GAB1: variants seen among roughly 807,000 people sequenced by gnomAD.
GAB1 encodes GRB2-associated-binding protein 1.
Under a neutral mutation model 66.5 loss-of-function variants are expected in GAB1, and 19 were observed. The ratio of observed to expected loss-of-function variants is 0.29; its 90% CI spans 0.20 to 0.42. The LOEUF is 0.42. Among genes scored for constraint, GAB1 ranks in the 10% least tolerant of loss-of-function variants. The pLI is 1.00. For synonymous variants in GAB1, 294 were observed against 301.4 expected (o/e 0.98, Z 0.25); for missense variants, 732 against 858.5 (o/e 0.85, Z 1.84).
intron 1 of GAB1, among the ~76,000 whole-genome samples, chr4:143,371,391 G>A (rs551014938): frequency 1.3e-5 from 2 of 152,130 alleles, no homozygotes; most frequent in African/African-American, 4.8e-5. Context: ...CTTTTTGATG[G>A]GGTTGTTTGA....
chr4:143,454,292 T>C (rs1268010025), intron 6 of GAB1, among the ~76,000 whole-genome samples: 2 of 152,228 alleles, frequency 1.3e-5, no homozygotes, highest in Non-Finnish European at 2.9e-5. Flanking sequence ...TGAATAGAAG[T>C]AGCTGGATTG....
Position 143,387,179 on chromosome 4 carries a change from T to G in GAB1, c.73-28298T>G, listed in dbSNP as rs147656385. On this transcript the variant is annotated intron_variant, in intron 1 of 9. Coordinates refer to ENST00000262994, the MANE Select transcript of GAB1 (RefSeq NM_002039.4). ...AGAGTTTCGCTCTTTTTGCCCAGAC[T>G]GGAATGCAATGATGCTATCTTGGCT... 3.7e-3 allele frequency among the ~76,000 whole-genome samples: 566 copies of G among 152,340 alleles called. 1 individual carries two copies. Among genetic ancestry groups the G allele is most frequent in the Admixed American group, 6.9e-3 (106 of 15,304 alleles).
chr4:143,413,207 C>A (rs1018399345), intron 1 of GAB1, among the ~76,000 whole-genome samples: 1 of 152,100 alleles, frequency 6.6e-6, no homozygotes, highest in African/African-American at 2.4e-5. Context: ...ATTTTATATT[C>A]TTTTGCTTTA....
chr4:143,354,454 A>G (rs990707597), intron 1 of GAB1, among the ~76,000 whole-genome samples: 5 of 152,256 alleles, frequency 3.3e-5, no homozygotes, highest in African/African-American at 1.2e-4. Flanking sequence ...TTGAGAAATC[A>G]CTTATAAATT....
At position 143,473,150 on chromosome 4, in the gene GAB1, GT is replaced by G. The variant is rs2149807246; in HGVS notation, c.*3965del. 6.6e-6 allele frequency: 1 copy of G among 152,192 alleles called. No individual in the cohort carries two copies. The highest frequency in any genetic ancestry group is 1.9e-4 in the East Asian group (1 of 5,182). The allele number at this position is 152,192 out of a possible 1,614,324, so 9.4% of individuals were successfully genotyped here. A position where few individuals can be genotyped will look rare whatever the true frequency, so the allele number is the denominator to read the frequency against. Reference sequence around the variant, plus strand: ...TACTTCCTTTACTTAAAAAGATGTGGTTTTATGTAAGTTCTTGATTACTGAT... The same window carrying G: ...TACTTCCTTTACTTAAAAAGATGTGGTTTATGTAAGTTCTTGATTACTGAT... On this transcript the variant is annotated 3_prime_UTR_variant, in exon 10 of 10. Coordinates refer to ENST00000262994, the MANE Select transcript of GAB1 (RefSeq NM_002039.4).
At position 143,395,821 on chromosome 4, in the gene GAB1, T is replaced by G. The variant is rs535868349; in HGVS notation, c.73-19656T>G. 43 of 451,790 alleles carry G rather than the reference T, an allele frequency of 9.5e-5. 1 individual carries two copies. The highest frequency in any genetic ancestry group is 6.6e-4 in the South Asian group (42 of 64,022). The allele number at this position is 451,790 out of a possible 1,614,324, so 28.0% of individuals were successfully genotyped here. On this transcript the variant is annotated intron_variant, in intron 1 of 9. Transcript: ENST00000262994. ...CCTCCACATACCCTTTCTAAGGACT[T>G]GGGGGTAACAAAATGAGGAGTAAGT...
chr4:143,412,216 A>C (rs1732429845), intron 1 of GAB1, among the ~76,000 whole-genome samples: 1 of 152,228 alleles, frequency 6.6e-6, no homozygotes, highest in Non-Finnish European at 1.5e-5. Flanking sequence ...GTGACACATA[A>C]GCTGTAGCAA....
chr4:143,433,857 T>C (rs1489599919), intron 3 of GAB1, 141 bp downstream of exon 3: 20 of 698,972 alleles, frequency 2.9e-5, no homozygotes, highest in South Asian at 1.9e-4. Flanking sequence ...TTTCAGGCTT[T>C]ATATTTCAGG....
intron 1 of GAB1, chr4:143,394,905 T>A (rs1731363387): frequency 6.6e-6 from 1 of 152,154 alleles, no homozygotes; most frequent in African/African-American, 2.4e-5. Context: ...AAGTAATGGC[T>A]TTGCATGAAG....
chr4:143,431,976 T>C (rs1483294622), intron 2 of GAB1, among the ~76,000 whole-genome samples: 2 of 152,088 alleles, frequency 1.3e-5, no homozygotes, highest in Non-Finnish European at 2.9e-5. Flanking sequence ...AGCTAACTCC[T>C]GACCTGGTGG....
intron 6 of GAB1, among the ~76,000 whole-genome samples, chr4:143,458,275 G>A (rs1735300265): frequency 6.6e-6 from 1 of 152,040 alleles, no homozygotes; most frequent in African/African-American, 2.4e-5. Context: ...TAAGAATATA[G>A]ACAAGCAAAA....
At chr4:143,364,547 G>A (rs28989218) in intron 1 of GAB1, among the ~76,000 whole-genome samples, 3,154 of 152,258 alleles carry the variant, frequency 0.021, 104 homozygotes, top group African/African-American at 0.072. Flanking sequence ...ATGTGTTGGA[G>A]CAGACAATGT....
chr4:143,415,326 A>C, intron 1 of GAB1, 151 bp from the exon 2 acceptor site: 1 of 615,210 alleles, frequency 1.6e-6, no homozygotes. Context: ...AGAGTGGCAG[A>C]TTATCCTGTG....
intron 2 of GAB1, among the ~76,000 whole-genome samples, chr4:143,431,428 A>G (rs765028436): frequency 1.8e-4 from 27 of 152,292 alleles, no homozygotes; most frequent in Non-Finnish European, 3.8e-4. Flanking sequence ...AGAAAAACAT[A>G]AAGGCCTTTT....
At chr4:143,396,003 C>A in intron 1 of GAB1, 1 of 455,198 alleles carries the variant, frequency 2.2e-6, no homozygotes, top group Non-Finnish European at 4.4e-6. Context: ...GGGAGGATTC[C>A]AGCAGAGGGG....
intron 1 of GAB1, among the ~76,000 whole-genome samples, chr4:143,390,666 A>T (rs1731144799): frequency 1.3e-5 from 2 of 152,208 alleles, no homozygotes; most frequent in Non-Finnish European, 2.9e-5. Context: ...GATTAAGCCT[A>T]TGCTGCTGGG....
intron 1 of GAB1, among the ~76,000 whole-genome samples, chr4:143,387,724 C>T (rs1210799953): frequency 2.0e-5 from 3 of 152,162 alleles, no homozygotes; most frequent in Non-Finnish European, 4.4e-5. Flanking sequence ...CAGTCACCTC[C>T]TCTAAGTGTG....
intron 1 of GAB1, among the ~76,000 whole-genome samples, chr4:143,402,374 A>C (rs1187455821): frequency 6.6e-6 from 1 of 152,192 alleles, no homozygotes; most frequent in African/African-American, 2.4e-5. Context: ...TGTCTTTAAC[A>C]TGCCTACCCT....
In GAB1 at chr4:143,337,172, C is replaced by G. The variant is rs1330611390; in HGVS notation, c.-17C>G. 6.4e-7 allele frequency: 1 copy of G among 1,566,488 alleles called. No homozygotes were observed. Among genetic ancestry groups the G allele is most frequent in the East Asian group, 2.3e-5 (1 of 42,816 alleles). ...CGCCCCTCAGCTGCCCGGCCCGGAG[C>G]CCGAGACGCGCGCACCATGAGCGGT... is the stretch of plus-strand genomic sequence containing the variant. On this transcript the variant is annotated 5_prime_UTR_variant, in exon 1 of 10. Coordinates refer to ENST00000262994, the MANE Select transcript of GAB1 (RefSeq NM_002039.4).
Sources: allele counts gnomAD v4.1 joint callset (sites outside exome capture counted in the v4.1 genomes callset), GRCh38; gene constraint gnomAD v4.1.1; transcripts MANE v1.5; gene names NCBI Gene and HGNC (gene_info 2026-07-23, HGNC 2026-07-21).